CD96: variants seen among roughly 807,000 people sequenced by gnomAD.
CD96 encodes CD96 molecule.
Under a neutral mutation model 71.3 loss-of-function variants are expected in CD96, and 70 were observed. The ratio of observed to expected loss-of-function variants is 0.98; its 90% CI spans 0.81 to 1.20. The LOEUF is 1.20. Ranked by LOEUF, CD96 falls within the 50% of genes most tolerant of loss-of-function variation. The pLI is 0.00. For synonymous variants in CD96, 248 were observed against 233.0 expected (o/e 1.06, Z -0.59); for missense variants, 742 against 677.5 (o/e 1.10, Z -1.06).
intron 12 of CD96, among the ~76,000 whole-genome samples, chr3:111,642,635 C>T (rs1345503824): frequency 6.6e-6 from 1 of 151,796 alleles, no homozygotes; most frequent in Non-Finnish European, 1.5e-5. Flanking sequence ...AGTGAAAACC[C>T]GTCTCTACTA....
At chr3:111,619,412 A>G (rs1413876942) in intron 8 of CD96, among the ~76,000 whole-genome samples, 1 of 152,210 alleles carries the variant, frequency 6.6e-6, no homozygotes, top group Non-Finnish European at 1.5e-5. Flanking sequence ...TCTAAATTTC[A>G]TCTTATTTCC....
At chr3:111,620,002 TA>T (rs1938441830) in intron 8 of CD96, among the ~76,000 whole-genome samples, 1 of 152,220 alleles carries the variant, frequency 6.6e-6, no homozygotes, top group African/African-American at 2.4e-5. Context: ...TGAGGGCTTG[TA>T]AAAGCCCAGC....
At chr3:111,547,737 T>A (rs1934486047) in intron 2 of CD96, among the ~76,000 whole-genome samples, 2 of 152,198 alleles carry the variant, frequency 1.3e-5, no homozygotes, top group South Asian at 4.1e-4. Context: ...TCCGGTCTTC[T>A]GAATGTAACT....
At position 111,600,727 on chromosome 3, in the gene CD96, A is replaced by T. The variant is rs773299778; in HGVS notation, c.900A>T (p.Gly300=). ...ACCATGTTCGTATCTGTCTGGCAGG[A>T]ATATATATTACTAATGAAGAGAGAA... ...DGSFLHDEKE[G]IYITNEERKG... Residue 300 remains glycine (G), a splice_region_variant and synonymous_variant, in exon 7 of 14, where the codon GGA becomes GGT. Transcript: ENST00000352690. 5.6e-6 allele frequency: 9 copies of T among 1,606,438 alleles called. No individual in the cohort carries two copies. The South Asian group carries it at 9.9e-5, about 18-fold the overall frequency.
chr3:111,649,406 T>C lies in CD96; in HGVS notation c.1602-292T>C, dbSNP rs367574381. Among the ~76,000 whole-genome samples the C allele has an allele frequency of 2.6e-5, 4 of 152,358 alleles. No individual in the cohort carries two copies. In the South Asian group the frequency reaches 8.3e-4, roughly 32 times the overall value. Reference sequence around the variant, plus strand: ...CCTGCACACAAAGTAAATAATGTTATGATAAAAATGCTCAGTTTTATCTGT... The same window carrying C: ...CCTGCACACAAAGTAAATAATGTTACGATAAAAATGCTCAGTTTTATCTGT... On this transcript the variant is annotated intron_variant, in intron 13 of 13. Coordinates refer to ENST00000352690, the MANE Select transcript of CD96 (RefSeq NM_005816.5).
At chr3:111,642,530 G>A (rs1416093220) in intron 12 of CD96, among the ~76,000 whole-genome samples, 1 of 152,152 alleles carries the variant, frequency 6.6e-6, no homozygotes, top group Non-Finnish European at 1.5e-5. Context: ...GCTGAGCGCA[G>A]TGGCTCAGTG....
At chr3:111,653,052 A>G (rs1287950614), downstream of CD96, among the ~76,000 whole-genome samples, 1 of 152,198 alleles carries the variant, frequency 6.6e-6, no homozygotes. Context: ...CTGCACCAGG[A>G]GAACTCCTCA....
At chr3:111,561,473 A>T (rs1430601376) in intron 2 of CD96, among the ~76,000 whole-genome samples, 2 of 143,512 alleles carry the variant, frequency 1.4e-5, no homozygotes, top group African/African-American at 4.9e-5. Flanking sequence ...CTGCCTTGTG[A>T]GGTGTCAGTG....
At chr3:111,574,814 A>G (rs1035482426) in intron 3 of CD96, among the ~76,000 whole-genome samples, 3 of 150,864 alleles carry the variant, frequency 2.0e-5, no homozygotes, top group African/African-American at 7.3e-5. Flanking sequence ...GCAGTGTCTC[A>G]CTTTGCTGCC....
At chr3:111,550,825 T>G (rs1934664141) in intron 2 of CD96, among the ~76,000 whole-genome samples, 1 of 152,128 alleles carries the variant, frequency 6.6e-6, no homozygotes, top group African/African-American at 2.4e-5. Flanking sequence ...TTGGTCTGTG[T>G]TGAACATCCA....
Position 111,652,293 on chromosome 3 carries a change from T to C in CD96, c.*2487T>C, listed in dbSNP as rs1169330155. 1 of 152,206 alleles carries C rather than the reference T, an allele frequency of 6.6e-6. No individual in the cohort carries two copies. The highest frequency in any genetic ancestry group is 6.5e-5 in the Admixed American group (1 of 15,282). The allele number at this position is 152,206 out of a possible 1,614,324, so 9.4% of individuals were successfully genotyped here. ...TCTCAAGAAACAAATGCTAGCTTCATATGTATGGCTGTTGCTTTGCTTCAT... is the reference window on the plus strand; with the variant it reads ...TCTCAAGAAACAAATGCTAGCTTCACATGTATGGCTGTTGCTTTGCTTCAT... On this transcript the variant is annotated 3_prime_UTR_variant, in exon 14 of 14. Transcript: ENST00000352690.
At chr3:111,637,931 T>C (rs550345050) in intron 11 of CD96, 148 bp from the exon 12 acceptor site, 14 of 661,216 alleles carry the variant, frequency 2.1e-5, no homozygotes, top group Non-Finnish European at 3.9e-5. Context: ...TATAAATTGG[T>C]TCTTAATAAA....
At chr3:111,562,162 C>G (rs546351621) in intron 2 of CD96, among the ~76,000 whole-genome samples, 5 of 152,210 alleles carry the variant, frequency 3.3e-5, no homozygotes, top group Admixed American at 1.3e-4. Flanking sequence ...CAGAAATCAC[C>G]GGTCTTCTGC....
intron 2 of CD96, among the ~76,000 whole-genome samples, chr3:111,564,437 C>G (rs1025581355): frequency 2.6e-5 from 4 of 151,784 alleles, no homozygotes; most frequent in Non-Finnish European, 5.9e-5. Context: ...TGGTTTCATT[C>G]TAATTTTGTC....
intron 2 of CD96, among the ~76,000 whole-genome samples, chr3:111,556,637 C>T (rs1367912266): frequency 1.5e-5 from 2 of 131,602 alleles, no homozygotes; most frequent in Non-Finnish European, 3.2e-5. Flanking sequence ...CAAGTCTTTG[C>T]TATTGTGAAT....
chr3:111,585,332 A>C lies in CD96; in HGVS notation c.761A>C (p.Glu254Ala). Reference protein sequence around the residue: ...STTVKVFAKPEIPVIVENNST... With the variant: ...STTVKVFAKPAIPVIVENNST... ...TTTATTTGCCTTTAAGCTAAACCAGAAATCCCTGTGATTGTGGAAAATAAC... is the reference window on the plus strand; with the variant it reads ...TTTATTTGCCTTTAAGCTAAACCAGCAATCCCTGTGATTGTGGAAAATAAC... Residue 254 changes from glutamate (E) to alanine (A), a missense_variant, in exon 5 of 14, where the codon GAA becomes GCA. Transcript: ENST00000352690. 6.2e-7 allele frequency: 1 copy of C among 1,610,888 alleles called. No homozygotes were observed. The highest frequency in any genetic ancestry group is 1.1e-5 in the South Asian group (1 of 91,022).
chr3:111,614,991 T>C (rs184606513), intron 8 of CD96, among the ~76,000 whole-genome samples: 15 of 152,342 alleles, frequency 9.8e-5, no homozygotes, highest in Admixed American at 5.9e-4. Flanking sequence ...TTGAGGTTGA[T>C]GATGGACCAC....
intron 3 of CD96, among the ~76,000 whole-genome samples, chr3:111,574,691 A>G (rs532596820): frequency 1.3e-5 from 2 of 152,062 alleles, no homozygotes; most frequent in East Asian, 3.9e-4. Flanking sequence ...CCTGATTTTC[A>G]TATTTGTTTG....
chr3:111,578,902 T>C, intron 3 of CD96, 125 bp from the exon 4 acceptor site: 2 of 714,980 alleles, frequency 2.8e-6, no homozygotes. Flanking sequence ...AAATGTCTTC[T>C]AATTTCAATC....
Sources: allele counts gnomAD v4.1 joint callset (sites outside exome capture counted in the v4.1 genomes callset), GRCh38; gene constraint gnomAD v4.1.1; transcripts MANE v1.5; gene names NCBI Gene and HGNC (gene_info 2026-07-23, HGNC 2026-07-21).